Variants in MARCHF3 observed in about 807,000 individuals in gnomAD.
The protein encoded by MARCHF3 is membrane associated ring-CH-type finger 3, also known as E3 ubiquitin-protein ligase MARCHF3.
In MARCHF3, 13 loss-of-function variants were observed where a neutral mutation model predicts 24.2. The observed-to-expected ratio is 0.54, with a 90% CI of 0.35 to 0.85. The LOEUF (loss-of-function observed/expected upper bound fraction) is 0.85, where lower values mean the gene tolerates loss of function less well. Among genes scored for constraint, MARCHF3 ranks in the 40% least tolerant of loss-of-function variants. The pLI is 0.01. For synonymous variants in MARCHF3, 144 were observed against 137.3 expected (o/e 1.05, Z -0.34); for missense variants, 276 against 325.0 (o/e 0.85, Z 1.16).
intron 1 of MARCHF3, among the ~76,000 whole-genome samples, chr5:127,007,266 A>G (rs1187651218): frequency 1.3e-5 from 2 of 152,032 alleles, no homozygotes; most frequent in African/African-American, 2.4e-5. Flanking sequence ...GTTATTTTCA[A>G]CATATTATCT....
rs752786861 is a variant in MARCHF3 at position 127,030,462 on chromosome 5, G to C, written c.-169C>G. The C allele has an allele frequency of 9.8e-5, 15 of 152,374 alleles. No individual in the cohort carries two copies. Among genetic ancestry groups the C allele is most frequent in the Non-Finnish European group, 1.3e-4 (9 of 68,158 alleles). 9.4% of individuals were successfully genotyped at this position (152,374 alleles called of 1,614,324 possible). The stretch of plus-strand genomic sequence containing the variant: ...CAGTGGACCAGGGCACATTGGTTCC[G>C]GCGGGCACCTCAGGGGGAGTGCGGC... On this transcript the variant is annotated 5_prime_UTR_variant, in exon 1 of 5. Transcript: ENST00000308660.
rs537802736 is a variant in MARCHF3 at position 126,869,261 on chromosome 5, A to G, written c.*1372T>C. 6.6e-6 allele frequency: 1 copy of G among 152,308 alleles called. No individual in the cohort carries two copies. The highest frequency in any genetic ancestry group is 6.5e-5 in the Admixed American group (1 of 15,298). The allele number at this position is 152,308 out of a possible 1,614,324, so 9.4% of individuals were successfully genotyped here. A position where few individuals can be genotyped will look rare whatever the true frequency, so the allele number is the denominator to read the frequency against. ...AATGTGGGTCATGTTCTAGAATTCC[A>G]TATTTTAAGCATTCCGGAAGCAGGG... On this transcript the variant is annotated 3_prime_UTR_variant, in exon 5 of 5. Coordinates refer to ENST00000308660, the MANE Select transcript of MARCHF3 (RefSeq NM_178450.5).
chr5:126,940,443 A>AT (rs933111119), intron 1 of MARCHF3, among the ~76,000 whole-genome samples: 1 of 151,008 alleles, frequency 6.6e-6, no homozygotes, highest in Admixed American at 6.6e-5. Context: ...TATGTTTTTA[A>AT]TTTTTTTTTC....
chr5:126,880,051 A>G (rs755246043), intron 3 of MARCHF3, among the ~76,000 whole-genome samples: 13 of 152,148 alleles, frequency 8.5e-5, no homozygotes, highest in Non-Finnish European at 1.8e-4. Flanking sequence ...GGTGGGGCTG[A>G]CAGGAGAGGG....
chr5:127,027,229 G>C (rs1480051644), intron 1 of MARCHF3, among the ~76,000 whole-genome samples: 1 of 152,062 alleles, frequency 6.6e-6, no homozygotes, highest in African/African-American at 2.4e-5. Flanking sequence ...CAATTAATTG[G>C]GCAGCTCAAA....
chr5:126,942,137 C>T lies in MARCHF3; in HGVS notation c.-56-23910G>A, dbSNP rs377171108. ...CATCACAACACTGTTTCTCATGTGG[C>T]TTAAGAAGCAATAAAAACATTGAAA... On this transcript the variant is annotated intron_variant, in intron 1 of 4. Coordinates refer to ENST00000308660, the MANE Select transcript of MARCHF3 (RefSeq NM_178450.5). 3.3e-5 allele frequency among the ~76,000 whole-genome samples: 5 copies of T among 152,152 alleles called. No homozygotes were observed. The East Asian group carries it at 7.7e-4, about 23-fold the overall frequency.
intron 3 of MARCHF3, among the ~76,000 whole-genome samples, chr5:126,880,199 A>G (rs1414213609): frequency 6.6e-6 from 1 of 152,202 alleles, no homozygotes; most frequent in Non-Finnish European, 1.5e-5. Flanking sequence ...AAGGCACCAA[A>G]GAAAGTTTTC....
intron 3 of MARCHF3, among the ~76,000 whole-genome samples, chr5:126,894,974 C>T (rs1169775200): frequency 6.6e-6 from 1 of 152,114 alleles, no homozygotes; most frequent in Non-Finnish European, 1.5e-5. Flanking sequence ...GGTCTTTTCA[C>T]ACAGTCCCAT....
chr5:126,918,960 A>ATG (rs1749006605), intron 1 of MARCHF3, among the ~76,000 whole-genome samples: 1 of 152,236 alleles, frequency 6.6e-6, no homozygotes, highest in Non-Finnish European at 1.5e-5. Flanking sequence ...ATACGTTAGC[A>ATG]TGATGTCTTG....
At chr5:126,887,527 T>C (rs900244267) in intron 3 of MARCHF3, among the ~76,000 whole-genome samples, 7 of 152,254 alleles carry the variant, frequency 4.6e-5, no homozygotes, top group African/African-American at 1.4e-4. Flanking sequence ...ATACCTGTAT[T>C]TTAGTGTAAA....
chr5:126,905,965 C>T (rs540389541), intron 3 of MARCHF3, among the ~76,000 whole-genome samples: 5 of 152,030 alleles, frequency 3.3e-5, no homozygotes, highest in Admixed American at 1.3e-4. Flanking sequence ...TCATAGATAG[C>T]GCTTATTATT....
intron 4 of MARCHF3, among the ~76,000 whole-genome samples, chr5:126,876,169 C>A (rs1466285913): frequency 6.6e-6 from 1 of 152,150 alleles, no homozygotes. Flanking sequence ...TTCTTCCTTT[C>A]TTCCTTCTTT....
At chr5:126,878,506 A>T in intron 3 of MARCHF3, 112 bp from the exon 4 acceptor site, 1 of 1,010,518 alleles carries the variant, frequency 9.9e-7, no homozygotes, top group Non-Finnish European at 1.4e-6. Context: ...GGGAAAAGGC[A>T]TTTCTGACTT....
chr5:127,001,122 C>A (rs867602026), intron 1 of MARCHF3, among the ~76,000 whole-genome samples: 26 of 151,926 alleles, frequency 1.7e-4, no homozygotes, highest in African/African-American at 6.3e-4. Context: ...CCTGTAGTCC[C>A]AGCTACTCGG....
intron 1 of MARCHF3, among the ~76,000 whole-genome samples, chr5:126,974,467 C>T (rs1254637926): frequency 1.3e-5 from 2 of 152,314 alleles, no homozygotes; most frequent in African/African-American, 2.4e-5. Flanking sequence ...TTCACTGTTG[C>T]TCTCTGGGTA....
chr5:126,968,455 TTG>T (rs1750890799), intron 1 of MARCHF3, among the ~76,000 whole-genome samples: 1 of 152,244 alleles, frequency 6.6e-6, no homozygotes, highest in Non-Finnish European at 1.5e-5. Context: ...TGGCATCTCA[TTG>T]TGTTTATTTG....
chr5:126,972,817 C>T (rs2126830379), intron 1 of MARCHF3, among the ~76,000 whole-genome samples: 1 of 152,196 alleles, frequency 6.6e-6, no homozygotes, highest in African/African-American at 2.4e-5. Context: ...AAAAAAAACA[C>T]CAAAAAAACC....
chr5:126,931,314 C>G (rs930202578), intron 1 of MARCHF3, among the ~76,000 whole-genome samples: 1 of 152,100 alleles, frequency 6.6e-6, no homozygotes, highest in African/African-American at 2.4e-5. Flanking sequence ...GAAACAGCTT[C>G]CATGACTCTG....
chr5:126,976,455 T>G (rs1038100787), intron 1 of MARCHF3, among the ~76,000 whole-genome samples: 2 of 152,224 alleles, frequency 1.3e-5, no homozygotes, highest in Non-Finnish European at 2.9e-5. Flanking sequence ...TGCCTCTGCT[T>G]TGGGCTACCC....
Sources: gnomAD v4.1 joint callset for allele counts (sites outside exome capture counted in the v4.1 genomes callset) on GRCh38, gnomAD v4.1.1 for gene constraint, MANE v1.5 for transcripts, NCBI Gene and HGNC (gene_info 2026-07-23, HGNC 2026-07-21) for gene names.